CRYZL1: variants seen among roughly 807,000 people sequenced by gnomAD.
CRYZL1 encodes the protein crystallin zeta like 1.
A neutral mutation model predicts 50.6 loss-of-function variants in CRYZL1; 34 were observed. The observed-to-expected ratio is 0.67, with a 90% CI of 0.51 to 0.89. The LOEUF (loss-of-function observed/expected upper bound fraction) is 0.89, where lower values mean the gene tolerates loss of function less well. Ranked by LOEUF, CRYZL1 falls within the 40% of genes least tolerant of loss-of-function variation. The pLI is 0.00. For missense variants in CRYZL1, 354 were observed against 402.3 expected, an observed-to-expected ratio of 0.88 and a Z score of 1.03; for synonymous variants, 125 against 134.3, an observed-to-expected ratio of 0.93 and a Z score of 0.48.
intron 8 of CRYZL1, 22 bp downstream of exon 8, chr21:33,602,212 C>T (rs778930349): frequency 1.6e-5 from 20 of 1,245,458 alleles, no homozygotes; most frequent in Non-Finnish European, 2.4e-5. Context: ...GTTTTAAAGT[C>T]TGTGCTCATA....
chr21:33,621,267 C>T (rs2086997335), intron 4 of CRYZL1, among the ~76,000 whole-genome samples: 1 of 148,454 alleles, frequency 6.7e-6, no homozygotes, highest in Non-Finnish European at 1.5e-5. Flanking sequence ...TCTTGAGCAA[C>T]ACATACAATA....
chr21:33,621,499 G>A (rs1056269317), intron 4 of CRYZL1, among the ~76,000 whole-genome samples: 27 of 151,366 alleles, frequency 1.8e-4, no homozygotes, highest in Admixed American at 1.3e-3. Flanking sequence ...ATGCCACCAC[G>A]CCCAGCTAAT....
intron 1 of CRYZL1, chr21:33,641,322 G>A (rs554284060): frequency 2.2e-5 from 34 of 1,540,842 alleles, no homozygotes; most frequent in African/African-American, 9.6e-5. Flanking sequence ...AGAAGTAACA[G>A]AGAAAGAAAA....
intron 2 of CRYZL1, among the ~76,000 whole-genome samples, chr21:33,631,143 T>C (rs2087132960): frequency 6.6e-6 from 1 of 152,170 alleles, no homozygotes; most frequent in African/African-American, 2.4e-5. Flanking sequence ...GAAGAGAGGA[T>C]TTTAAATGAC....
At chr21:33,613,681 A>G (rs1437633885) in intron 5 of CRYZL1, 75 bp from the exon 6 acceptor site, 1 of 1,067,858 alleles carries the variant, frequency 9.4e-7, no homozygotes, top group East Asian at 2.4e-5. Context: ...TATTATTACA[A>G]ATTTTGTTCA....
At position 33,627,837 on chromosome 21, in the gene CRYZL1, C is replaced by T. The variant is rs576406421; in HGVS notation, c.67-3077G>A. 1.6e-3 allele frequency among the ~76,000 whole-genome samples: 239 copies of T among 150,700 alleles called. 6 individuals are homozygous for T. The highest frequency in any genetic ancestry group is 0.014 in the Admixed American group (214 of 15,082). On this transcript the variant is annotated intron_variant, in intron 2 of 12. Coordinates refer to ENST00000381554, the MANE Select transcript of CRYZL1 (RefSeq NM_145858.3). The stretch of plus-strand genomic sequence containing the variant: ...TCCACTCACTACAAACTCCGCCTCC[C>T]GGGTTCATACCATTCTCCTGCCTCA...
At chr21:33,598,766 A>T (rs1332459316) in intron 9 of CRYZL1, among the ~76,000 whole-genome samples, 1 of 151,792 alleles carries the variant, frequency 6.6e-6, no homozygotes, top group Non-Finnish European at 1.5e-5. Context: ...TGCCCAACAC[A>T]AATTCGTAAC....
At chr21:33,616,592 G>T in intron 5 of CRYZL1, 114 bp downstream of exon 5, 1 of 1,562,840 alleles carries the variant, frequency 6.4e-7, no homozygotes, top group East Asian at 2.4e-5. Flanking sequence ...GCACCCAGCC[G>T]GGAAAGTACT....
At chr21:33,603,984 G>A (rs2086783363) in intron 6 of CRYZL1, among the ~76,000 whole-genome samples, 3 of 152,168 alleles carry the variant, frequency 2.0e-5, no homozygotes, top group Admixed American at 2.0e-4. Flanking sequence ...CTGGCGTGGT[G>A]GCTCACGCCT....
intron 12 of CRYZL1, among the ~76,000 whole-genome samples, 167 bp downstream of exon 12, chr21:33,590,995 C>T (rs1424642859): frequency 6.6e-6 from 1 of 152,116 alleles, no homozygotes; most frequent in Non-Finnish European, 1.5e-5. Context: ...CAGTTTTTGC[C>T]ATTACTTTCA....
intron 1 of CRYZL1, among the ~76,000 whole-genome samples, chr21:33,636,070 C>T (rs1412159048): frequency 1.3e-5 from 2 of 152,074 alleles, no homozygotes; most frequent in Non-Finnish European, 2.9e-5. Flanking sequence ...ATAAGTTCTA[C>T]TATAAATTTT....
At chr21:33,640,225 A>T in intron 1 of CRYZL1, 1 of 1,545,868 alleles carries the variant, frequency 6.5e-7, no homozygotes, top group Non-Finnish European at 8.7e-7. Context: ...GAAATATTTC[A>T]TTGCACAAGG....
rs201410758 is a variant in CRYZL1, at chr21:33,599,642, T to TC, written c.578-395_578-394insG. ...AATGGAAGATTAAGTCAGTTTCTTT[T>TC]TTTTTTTCAGACAGGTTCTCACTCC... On this transcript the variant is annotated intron_variant, in intron 8 of 12. Transcript: ENST00000381554. Among the ~76,000 whole-genome samples, 1,307 of 150,774 alleles carry TC rather than the reference T, an allele frequency of 8.7e-3. 66 individuals are homozygous for TC. Among genetic ancestry groups the TC allele is most frequent in the Admixed American group, 0.075 (1,137 of 15,126 alleles).
At chr21:33,599,293 A>T in intron 8 of CRYZL1, 45 bp from the exon 9 acceptor site, 1 of 1,613,162 alleles carries the variant, frequency 6.2e-7, no homozygotes, top group South Asian at 1.1e-5. Context: ...TCTCTATGTG[A>T]TCAACACAAA....
In CRYZL1 at chr21:33,591,157, C is replaced by T. The variant is rs763068430; in HGVS notation, c.950+5G>A. The T allele has an allele frequency of 2.2e-5, 35 of 1,599,328 alleles. No individual in the cohort carries two copies. Among genetic ancestry groups the T allele is most frequent in the Non-Finnish European group, 2.7e-5 (31 of 1,166,658 alleles). ...AAGAACAATGATTTGGTTACTTTAG[C>T]GTACCTGAAAACACCAGTTGATAAC... is the stretch of plus-strand genomic sequence containing the variant. On this transcript the variant is annotated splice_donor_5th_base_variant and intron_variant, in intron 12 of 12. Coordinates refer to ENST00000381554, the MANE Select transcript of CRYZL1 (RefSeq NM_145858.3).
At chr21:33,629,753 G>A (rs1254960509) in intron 2 of CRYZL1, among the ~76,000 whole-genome samples, 1 of 152,148 alleles carries the variant, frequency 6.6e-6, no homozygotes, top group African/African-American at 2.4e-5. Flanking sequence ...CTCTGGCTAG[G>A]ACTTCTATTA....
intron 9 of CRYZL1, among the ~76,000 whole-genome samples, chr21:33,598,806 GT>G (rs775141021): frequency 5.2e-3 from 659 of 125,632 alleles, no homozygotes; most frequent in Middle Eastern, 7.9e-3. Flanking sequence ...ACATTTTTGA[GT>G]TTTTTTTTTT....
In CRYZL1 at chr21:33,606,765, T is replaced by C. The variant is rs578008840; in HGVS notation, c.332-3228A>G. Reference sequence around the variant, plus strand: ...TGGCTCACACCTGTAATCCCAGCACTATGGGAGGCCGAGACAGGCAGAGCA... The same window carrying C: ...TGGCTCACACCTGTAATCCCAGCACCATGGGAGGCCGAGACAGGCAGAGCA... On this transcript the variant is annotated intron_variant, in intron 6 of 12. Transcript: ENST00000381554. Among the ~76,000 whole-genome samples, 5 of 152,028 alleles carry C rather than the reference T, an allele frequency of 3.3e-5. No homozygotes were observed. In the South Asian group the frequency reaches 1.0e-3, roughly 32 times the overall value.
intron 6 of CRYZL1, among the ~76,000 whole-genome samples, chr21:33,605,764 T>C (rs750159718): frequency 4.6e-5 from 7 of 151,932 alleles, no homozygotes; most frequent in African/African-American, 9.7e-5. Context: ...CCTCAGGTGA[T>C]CTGCCTACCT....
Sources: allele counts gnomAD v4.1 joint callset (sites outside exome capture counted in the v4.1 genomes callset), GRCh38; gene constraint gnomAD v4.1.1; transcripts MANE v1.5; gene names NCBI Gene and HGNC (gene_info 2026-07-23, HGNC 2026-07-21).